Variants in SLC16A7 observed in about 807,000 individuals in gnomAD.
SLC16A7 encodes solute carrier family 16 member 7.
Under a neutral mutation model 34.9 loss-of-function variants are expected in SLC16A7, and 33 were observed. The observed-to-expected ratio is 0.94, with a 90% CI of 0.72 to 1.26. The LOEUF (loss-of-function observed/expected upper bound fraction) is 1.26, where lower values mean the gene tolerates loss of function less well. Ranked by LOEUF, SLC16A7 falls within the 50% of genes most tolerant of loss-of-function variation. The probability of loss-of-function intolerance (pLI) is 0.00; values close to 1 mark genes in which losing one functional copy is unlikely to be tolerated. For synonymous variants in SLC16A7, 201 were observed against 206.6 expected (o/e 0.97, Z 0.23); for missense variants, 573 against 578.1 (o/e 0.99, Z 0.09).
intron 1 of SLC16A7, among the ~76,000 whole-genome samples, chr12:59,637,422 T>C (rs1677250497): frequency 6.6e-6 from 1 of 152,048 alleles, no homozygotes; most frequent in Admixed American, 6.6e-5. Flanking sequence ...CGTTGAGGCT[T>C]TCCTGCTCAT....
At chr12:59,696,348 T>C (rs1031725530) in intron 2 of SLC16A7, 1 of 152,048 alleles carries the variant, frequency 6.6e-6, no homozygotes, top group African/African-American at 2.4e-5. Flanking sequence ...ATTAGGCTTA[T>C]TGAATTCAAA....
intron 2 of SLC16A7, among the ~76,000 whole-genome samples, chr12:59,696,707 C>T (rs1565654655): frequency 1.3e-5 from 2 of 151,994 alleles, no homozygotes; most frequent in South Asian, 4.2e-4. Flanking sequence ...TCAAGAGTCA[C>T]TAATGAGGAA....
chr12:59,780,100 G>C lies in SLC16A7; in HGVS notation c.*421G>C, dbSNP rs1193962808. ...TTATTTGATATTAAAGTATGAGATA[G>C]AGTTGAGAGACAATTAATTATCCCC... On this transcript the variant is annotated 3_prime_UTR_variant, in exon 6 of 6. Transcript: ENST00000547379. 1 of 158,644 alleles carries C rather than the reference G, an allele frequency of 6.3e-6. No individual in the cohort carries two copies. Among genetic ancestry groups the C allele is most frequent in the East Asian group, 1.9e-4 (1 of 5,350 alleles). The allele number at this position is 158,644 out of a possible 1,614,324, so 9.8% of individuals were successfully genotyped here. A position where few individuals can be genotyped will look rare whatever the true frequency, so the allele number is the denominator to read the frequency against.
intron 2 of SLC16A7, among the ~76,000 whole-genome samples, chr12:59,671,981 C>A (rs7966914): frequency 0.97 from 2,855 of 2,932 alleles, 1,391 homozygotes; most frequent in Middle Eastern, 1. Context: ...ATCCATATAT[C>A]CGTATATATA....
In SLC16A7 at chr12:59,747,282, TATA is replaced by T. The variant is rs541899266; in HGVS notation, c.218-23932_218-23930del. 5.3e-5 allele frequency among the ~76,000 whole-genome samples: 8 copies of T among 152,330 alleles called. No homozygotes were observed. The East Asian group carries it at 1.2e-3, about 22-fold the overall frequency. On this transcript the variant is annotated intron_variant, in intron 3 of 5. Transcript: ENST00000547379. Reference sequence around the variant, plus strand: ...GAAAGTTTTACAATTATTAGACTATTATAATAAAGTTATTATGTTGTACATTTC... The same window carrying T: ...GAAAGTTTTACAATTATTAGACTATTATAAAGTTATTATGTTGTACATTTC...
In SLC16A7 at chr12:59,779,644, C is replaced by T; in HGVS notation, c.1402C>T (p.Gln468Ter). ...TGTTAACGTCAAAGTTTCAAATGCA[C>T]AGAGTGTAACCTCAGAAAGAGAAAC... is the stretch of plus-strand genomic sequence containing the variant. ...EDVNVKVSNA[Q>*]SVTSERETNI Residue 468 changes from glutamine (Q) to a stop codon, truncating the protein, a stop_gained, in exon 6 of 6, where the codon CAG (glutamine) becomes TAG (stop). Coordinates refer to ENST00000547379, the MANE Select transcript of SLC16A7 (RefSeq NM_001270623.2). LOFTEE classifies it high-confidence loss of function. 1 of 1,611,268 alleles carries T rather than the reference C, an allele frequency of 6.2e-7. No individual in the cohort carries two copies. The highest frequency in any genetic ancestry group is 1.1e-5 in the South Asian group (1 of 90,986).
intron 1 of SLC16A7, among the ~76,000 whole-genome samples, chr12:59,645,436 GT>G (rs1880865201): frequency 6.6e-6 from 1 of 152,114 alleles, no homozygotes; most frequent in Non-Finnish European, 1.5e-5. Flanking sequence ...AGATTTGATG[GT>G]TTTATAAGGG....
At chr12:59,767,275 A>G (rs926814095) in intron 3 of SLC16A7, among the ~76,000 whole-genome samples, 4 of 151,908 alleles carry the variant, frequency 2.6e-5, no homozygotes, top group African/African-American at 9.7e-5. Flanking sequence ...CTGATTAGAA[A>G]CTGCAGCAAG....
chr12:59,779,548 AG>A lies in SLC16A7; in HGVS notation c.1308del (p.Lys437ArgfsTer15). The A allele has an allele frequency of 6.2e-7, 1 of 1,613,028 alleles. No homozygotes were observed. Among genetic ancestry groups the A allele is most frequent in the Middle Eastern group, 1.7e-4 (1 of 6,056 alleles). ...AINYRLLAKE[R>X]KEENARQKTR... ...CAACTATAGATTGCTTGCAAAGGAA[AG>A]GAAGGAGGAAAATGCAAGGCAGAAG... On this transcript the variant is annotated frameshift_variant, in exon 6 of 6. Coordinates refer to ENST00000547379, the MANE Select transcript of SLC16A7 (RefSeq NM_001270623.2). LOFTEE classifies it high-confidence loss of function.
chr12:59,671,672 CTCTCTCTA>C lies in SLC16A7; in HGVS notation c.-31+16424_-31+16431del, dbSNP rs1440757692. ...TACAGTGCTCTTTCTCTCTCTCTCT[CTCTCTCTA>C]TATATATATATGTGTGTGTGTGTAT... On this transcript the variant is annotated intron_variant, in intron 2 of 5. Transcript: ENST00000547379. 2.1e-4 allele frequency among the ~76,000 whole-genome samples: 29 copies of C among 139,594 alleles called. 1 individual carries two copies. Among genetic ancestry groups the C allele is most frequent in the Non-Finnish European group, 3.8e-4 (25 of 64,992 alleles). The allele number at this position is 139,594 out of a possible 152,430, so 91.6% of individuals were successfully genotyped here.
chr12:59,618,839 G>T (rs561110329), intron 1 of SLC16A7, among the ~76,000 whole-genome samples: 1 of 151,824 alleles, frequency 6.6e-6, no homozygotes, highest in African/African-American at 2.4e-5. Flanking sequence ...CCTATTTTCC[G>T]TAAAATATTG....
chr12:59,614,236 C>T (rs1879334957), intron 1 of SLC16A7, among the ~76,000 whole-genome samples: 1 of 152,004 alleles, frequency 6.6e-6, no homozygotes, highest in Non-Finnish European at 1.5e-5. Context: ...GGAGTTTCGC[C>T]ATGTTGGCCA....
chr12:59,753,898 C>G (rs150901907), intron 3 of SLC16A7, among the ~76,000 whole-genome samples: 18,604 of 152,172 alleles, frequency 0.12, 1,489 homozygotes, highest in African/African-American at 0.22. Flanking sequence ...GAAATTATAA[C>G]AACCTGTCTC....
chr12:59,689,887 A>G (rs1258551213), intron 2 of SLC16A7, among the ~76,000 whole-genome samples: 1 of 151,922 alleles, frequency 6.6e-6, no homozygotes, highest in African/African-American at 2.4e-5. Context: ...GCTCTAAGGA[A>G]TTCTAAACTT....
At chr12:59,741,271 C>T (rs1029667979) in intron 3 of SLC16A7, among the ~76,000 whole-genome samples, 4 of 152,152 alleles carry the variant, frequency 2.6e-5, no homozygotes, top group Admixed American at 6.5e-5. Context: ...CTAAGCCTAT[C>T]CTCAAAGATT....
chr12:59,779,853 AT>A lies in SLC16A7; in HGVS notation c.*177del. 3.6e-6 allele frequency: 2 copies of A among 549,878 alleles called. No homozygotes were observed. The highest frequency in any genetic ancestry group is 4.8e-5 in the South Asian group (2 of 41,288). 34.1% of individuals were successfully genotyped at this position (549,878 alleles called of 1,614,324 possible). ...TAAATTAGTTTTTAAAAACTTACTT[AT>A]TTGGGTAGTTAAATTTTGAGATTAT... On this transcript the variant is annotated 3_prime_UTR_variant, in exon 6 of 6. Coordinates refer to ENST00000547379, the MANE Select transcript of SLC16A7 (RefSeq NM_001270623.2).
intron 1 of SLC16A7, among the ~76,000 whole-genome samples, chr12:59,608,125 A>G (rs1223923452): frequency 6.6e-6 from 1 of 152,152 alleles, no homozygotes; most frequent in Non-Finnish European, 1.5e-5. Context: ...ATGGAACTAT[A>G]ACTTTCTGCA....
intron 3 of SLC16A7, chr12:59,719,955 T>A: frequency 3.3e-6 from 2 of 608,762 alleles, no homozygotes; most frequent in Non-Finnish European, 5.8e-6. Flanking sequence ...CATGCTAATC[T>A]TCTAAGTAAA....
At chr12:59,618,975 A>C (rs532714723) in intron 1 of SLC16A7, among the ~76,000 whole-genome samples, 26 of 152,156 alleles carry the variant, frequency 1.7e-4, no homozygotes, top group African/African-American at 5.8e-4. Context: ...TCCCATTTGC[A>C]ACACCTGATT....
Sources: allele counts gnomAD v4.1 joint callset (sites outside exome capture counted in the v4.1 genomes callset), GRCh38; gene constraint gnomAD v4.1.1; transcripts MANE v1.5; gene names NCBI Gene and HGNC (gene_info 2026-07-23, HGNC 2026-07-21).